Variants in MAP3K5 observed in about 807,000 individuals in gnomAD.
MAP3K5 encodes the protein ASK-1.
In MAP3K5, 56 loss-of-function variants were observed where a neutral mutation model predicts 158.7. The observed-to-expected ratio is 0.35, with a 90% confidence interval of 0.28 to 0.44. MAP3K5 has a LOEUF of 0.44. Ranked by LOEUF, MAP3K5 falls within the 20% of genes least tolerant of loss-of-function variation. The pLI is 1.00. For synonymous variants in MAP3K5, 579 were observed against 601.7 expected (o/e 0.96, Z 0.55); for missense variants, 1,294 against 1,674.8 (o/e 0.77, Z 3.97).
chr6:136,715,747 C>T (rs905491732), intron 2 of MAP3K5, among the ~76,000 whole-genome samples: 1 of 152,034 alleles, frequency 6.6e-6, no homozygotes, highest in African/African-American at 2.4e-5. Context: ...ATGATTATAG[C>T]TGGCTGGGCA....
intron 1 of MAP3K5, among the ~76,000 whole-genome samples, chr6:136,730,690 C>G (rs958929568): frequency 6.8e-6 from 1 of 147,516 alleles, no homozygotes; most frequent in Admixed American, 6.8e-5. Context: ...CCACTGTACT[C>G]CAGCCTGGGA....
intron 18 of MAP3K5, among the ~76,000 whole-genome samples, chr6:136,610,887 C>T (rs1046548600): frequency 6.6e-6 from 1 of 151,740 alleles, no homozygotes. Context: ...AGGTATATCG[C>T]TTGAGCCCAG....
intron 1 of MAP3K5, among the ~76,000 whole-genome samples, chr6:136,779,115 C>A (rs1784508561): frequency 6.6e-6 from 1 of 152,174 alleles, no homozygotes; most frequent in African/African-American, 2.4e-5. Flanking sequence ...GCCTGGCCAA[C>A]ATGGCAAAAC....
intron 1 of MAP3K5, among the ~76,000 whole-genome samples, chr6:136,741,264 T>C (rs1782695091): frequency 6.6e-6 from 1 of 152,212 alleles, no homozygotes; most frequent in Non-Finnish European, 1.5e-5. Flanking sequence ...CTAACCATTT[T>C]GGTATTTCAC....
Position 136,614,197 on chromosome 6 carries a change from T to C in MAP3K5, c.2240A>G (p.Asn747Ser). The C allele has an allele frequency of 1.2e-6, 2 of 1,613,884 alleles. No individual in the cohort carries two copies. Among genetic ancestry groups the C allele is most frequent in the Non-Finnish European group, 8.5e-7 (1 of 1,179,864 alleles). Residue 747 changes from asparagine (N) to serine (S), a missense_variant, in exon 16 of 30, where the codon AAT becomes AGT. This residue lies in a region of MAP3K5 where 41 missense variants were observed against 98.2 expected (regional missense o/e 0.42). Coordinates refer to ENST00000359015, the MANE Select transcript of MAP3K5 (RefSeq NM_005923.4). ...IVQYLGSFSENGFIKIFMEQV... is the reference protein window; with the variant it reads ...IVQYLGSFSESGFIKIFMEQV... ...CTCCATGAAGATTTTAATGAAACCATTCTCACTGAAAGAGCCCAGATACTG... is the reference window on the plus strand; with the variant it reads ...CTCCATGAAGATTTTAATGAAACCACTCTCACTGAAAGAGCCCAGATACTG...
intron 1 of MAP3K5, among the ~76,000 whole-genome samples, chr6:136,760,511 T>C (rs538187638): frequency 6.6e-6 from 1 of 152,376 alleles, no homozygotes; most frequent in South Asian, 2.1e-4. Context: ...TATTATTTGT[T>C]AATTTATTGA....
chr6:136,791,573 C>G, intron 1 of MAP3K5, 137 bp downstream of exon 1: 1 of 902,194 alleles, frequency 1.1e-6, no homozygotes. Context: ...CAGGAGCAGT[C>G]ACGCAGCGGC....
At position 136,702,806 on chromosome 6, in the gene MAP3K5, G is replaced by A. The variant is rs551264108; in HGVS notation, c.612+2304C>T. ...TGCCTCCTGGGTGCAAGTGATTCTC[G>A]TGCCTCAGCCTCCCAAGTAACTGGG... On this transcript the variant is annotated intron_variant, in intron 3 of 29. Transcript: ENST00000359015. Among the ~76,000 whole-genome samples, 7 of 152,140 alleles carry A rather than the reference G, an allele frequency of 4.6e-5. No individual in the cohort carries two copies. The South Asian group carries it at 1.2e-3, about 27-fold the overall frequency.
intron 8 of MAP3K5, among the ~76,000 whole-genome samples, chr6:136,667,790 G>C (rs1484363875): frequency 6.6e-6 from 1 of 151,810 alleles, no homozygotes; most frequent in Non-Finnish European, 1.5e-5. Flanking sequence ...GGTCGAGGCT[G>C]CAGTGAGCTG....
intron 21 of MAP3K5, among the ~76,000 whole-genome samples, chr6:136,597,026 A>G (rs1043548565): frequency 1.3e-5 from 2 of 149,968 alleles, no homozygotes; most frequent in Non-Finnish European, 3.0e-5. Flanking sequence ...CTTACTGCTG[A>G]TATCTTGCCA....
chr6:136,672,601 A>G (rs1436377631), intron 7 of MAP3K5, among the ~76,000 whole-genome samples: 1 of 152,208 alleles, frequency 6.6e-6, no homozygotes, highest in African/African-American at 2.4e-5. Flanking sequence ...GGTGTGGAGT[A>G]GAGCTGGGAT....
At chr6:136,634,889 C>T (rs1562565457) in intron 14 of MAP3K5, among the ~76,000 whole-genome samples, 1 of 142,508 alleles carries the variant, frequency 7.0e-6, no homozygotes, top group African/African-American at 2.6e-5. Flanking sequence ...CTTTTCTTCT[C>T]TTTTTTTTTT....
At chr6:136,645,805 A>G (rs921647773) in intron 11 of MAP3K5, among the ~76,000 whole-genome samples, 4 of 152,112 alleles carry the variant, frequency 2.6e-5, no homozygotes, top group African/African-American at 9.7e-5. Context: ...TCACAGAGCT[A>G]TTTATTCCAT....
chr6:136,653,323 G>A (rs1180801782), intron 10 of MAP3K5, among the ~76,000 whole-genome samples: 1 of 152,138 alleles, frequency 6.6e-6, no homozygotes, highest in African/African-American at 2.4e-5. Flanking sequence ...TTAATTCTTG[G>A]AGAAATGAGA....
chr6:136,623,638 A>G (rs1407288254), intron 14 of MAP3K5, among the ~76,000 whole-genome samples: 1 of 152,218 alleles, frequency 6.6e-6, no homozygotes, highest in Admixed American at 6.5e-5. Flanking sequence ...AACCGGATCT[A>G]CAGAAAGGAT....
At chr6:136,574,897 G>A (rs1774537352) in intron 25 of MAP3K5, among the ~76,000 whole-genome samples, 1 of 151,838 alleles carries the variant, frequency 6.6e-6, no homozygotes, top group African/African-American at 2.4e-5. Context: ...CACTGTGTTA[G>A]CCAGGATGGT....
chr6:136,579,702 T>C (rs764372272), intron 25 of MAP3K5: 25 of 405,772 alleles, frequency 6.2e-5, no homozygotes, highest in Non-Finnish European at 1.1e-4. Flanking sequence ...GGGACCTTGA[T>C]AATGGAGGAG....
At chr6:136,602,314 T>C (rs532690328) in intron 19 of MAP3K5, among the ~76,000 whole-genome samples, 22 of 152,286 alleles carry the variant, frequency 1.4e-4, no homozygotes, top group South Asian at 4.2e-4. Context: ...TTCTTTCTTT[T>C]TTTTGAGACA....
chr6:136,575,888 A>G (rs1229553957), intron 25 of MAP3K5, among the ~76,000 whole-genome samples: 2 of 152,160 alleles, frequency 1.3e-5, no homozygotes, highest in African/African-American at 4.8e-5. Flanking sequence ...CCTTGTAGTT[A>G]GTAAATATCT....
Sources: gnomAD v4.1 joint callset for allele counts (sites outside exome capture counted in the v4.1 genomes callset) on GRCh38, gnomAD v4.1.1 for gene constraint, gnomAD v4.1.1 regional missense constraint, MANE v1.5 for transcripts, NCBI Gene and HGNC (gene_info 2026-07-23, HGNC 2026-07-21) for gene names.